Variants in EI24 observed in about 807,000 individuals in gnomAD.
EI24 encodes EI24 autophagy associated transmembrane protein, also known as etoposide-induced protein 2.4 homolog.
Under a neutral mutation model 48.6 loss-of-function variants are expected in EI24, and 21 were observed. That is an observed-to-expected ratio of 0.43 (90% CI 0.31 to 0.62). The LOEUF (loss-of-function observed/expected upper bound fraction) is 0.62. EI24 is among the 20% of genes least tolerant of loss of function. The pLI is 0.10. For missense variants in EI24, 280 were observed against 410.5 expected (o/e 0.68, Z 2.75); for synonymous variants, 114 against 145.5 (o/e 0.78, Z 1.56).
chr11:125,580,225 C>T (rs1159833907), intron 8 of EI24, 21 bp downstream of exon 8: 2 of 1,559,030 alleles, frequency 1.3e-6, no homozygotes, highest in Non-Finnish European at 1.8e-6. Flanking sequence ...CTAAAGAAAT[C>T]CAGAAAATGG....
At position 125,578,306 on chromosome 11, in the gene EI24, A is replaced by G. The variant is rs1938835663; in HGVS notation, c.441+49A>G. On this transcript the variant is annotated intron_variant, in intron 6 of 10. Transcript: ENST00000278903. ...CTGGGTCCCGCAGCATGATTGGCTGACAGGTGACAAGTTTCAGCCTGTGAA... is the reference window on the plus strand; with the variant it reads ...CTGGGTCCCGCAGCATGATTGGCTGGCAGGTGACAAGTTTCAGCCTGTGAA... The G allele has an allele frequency of 2.5e-6, 4 of 1,611,172 alleles. No homozygotes were observed. In the South Asian group the frequency reaches 3.3e-5, roughly 13 times the overall value.
chr11:125,575,915 G>A, intron 3 of EI24: 2 of 386,226 alleles, frequency 5.2e-6, no homozygotes, highest in South Asian at 1.9e-5. Context: ...CAGCGAACCG[G>A]CTGGCTGGAA....
intron 2 of EI24, 60 bp from the exon 3 acceptor site, chr11:125,575,203 G>C (rs1384162998): frequency 2.0e-5 from 29 of 1,439,926 alleles, no homozygotes; most frequent in Admixed American, 1.0e-4. Context: ...CTGTAGCTTG[G>C]GTGACAAAGC....
chr11:125,577,194 C>T (rs1938783830), intron 4 of EI24, among the ~76,000 whole-genome samples: 1 of 152,152 alleles, frequency 6.6e-6, no homozygotes, highest in East Asian at 1.9e-4. Context: ...CGGGTTCAAG[C>T]GATTCTCCTG....
At position 125,577,688 on chromosome 11, in the gene EI24, TTTG is replaced by T. The variant is rs1938806258; in HGVS notation, c.316+124_316+126del. On this transcript the variant is annotated intron_variant, in intron 5 of 10. Transcript: ENST00000278903. ...GGAGCTTTCACTGTTTATTTTCTTT[TTTG>T]TTGTTTTATTCTTTTTAAAAATTTA... 4 of 880,602 alleles carry T rather than the reference TTTG, an allele frequency of 4.5e-6. No individual in the cohort carries two copies. The South Asian group carries it at 5.6e-5, about 12-fold the overall frequency. The allele number at this position is 880,602 out of a possible 1,614,324, so 54.5% of individuals were successfully genotyped here.
chr11:125,579,919 C>A (rs541984570), intron 7 of EI24, among the ~76,000 whole-genome samples, 174 bp from the exon 8 acceptor site: 18 of 152,148 alleles, frequency 1.2e-4, no homozygotes, highest in Non-Finnish European at 2.5e-4. Flanking sequence ...CCGCCTCATC[C>A]TCCCAAACTG....
intron 1 of EI24, among the ~76,000 whole-genome samples, chr11:125,570,919 C>T (rs915953727): frequency 3.9e-5 from 6 of 152,144 alleles, no homozygotes; most frequent in Admixed American, 6.5e-5. Context: ...GCTGTACCTA[C>T]GCGACTGGAA....
At chr11:125,577,898 T>C (rs969372281) in intron 5 of EI24, 10 of 590,600 alleles carry the variant, frequency 1.7e-5, no homozygotes, top group South Asian at 4.3e-5. Context: ...GTTACCATCA[T>C]GTAAGCAGGT....
rs575196954 is a variant in EI24, at chr11:125,575,004, T to C, written c.43-259T>C. Among the ~76,000 whole-genome samples the C allele has an allele frequency of 4.6e-5, 7 of 152,134 alleles. No individual in the cohort carries two copies. In the East Asian group the frequency reaches 1.4e-3, roughly 29 times the overall value. Reference sequence around the variant, plus strand: ...CCTTTGGGAGGCTTAGGCAGGAGGATTGCTTGAGGACAGGAGTATGAAACC... The same window carrying C: ...CCTTTGGGAGGCTTAGGCAGGAGGACTGCTTGAGGACAGGAGTATGAAACC... On this transcript the variant is annotated intron_variant, in intron 2 of 10. Coordinates refer to ENST00000278903, the MANE Select transcript of EI24 (RefSeq NM_004879.5).
chr11:125,580,014 C>A, intron 7 of EI24, 79 bp from the exon 8 acceptor site: 1 of 1,135,672 alleles, frequency 8.8e-7, no homozygotes, highest in Non-Finnish European at 1.3e-6. Context: ...CTATCTCAGA[C>A]AGTGATTGGA....
intron 1 of EI24, among the ~76,000 whole-genome samples, chr11:125,570,639 A>G (rs1212481168): frequency 3.9e-5 from 6 of 152,224 alleles, no homozygotes; most frequent in Admixed American, 3.9e-4. Context: ...AATCCAGGCC[A>G]AGTAATGGGC....
chr11:125,571,709 T>C (rs1026557702), intron 1 of EI24, among the ~76,000 whole-genome samples: 8 of 151,956 alleles, frequency 5.3e-5, no homozygotes, highest in Admixed American at 2.6e-4. Context: ...AAACCCCATC[T>C]CTACTAAAAA....
At chr11:125,578,041 G>A (rs1407790492) in intron 5 of EI24, 92 bp from the exon 6 acceptor site, 2 of 1,472,960 alleles carry the variant, frequency 1.4e-6, no homozygotes, top group Non-Finnish European at 1.9e-6. Flanking sequence ...GATCCAGGAG[G>A]AGACAGAGAA....
chr11:125,580,306 A>G (rs1305637154), intron 8 of EI24, 102 bp downstream of exon 8: 14 of 877,256 alleles, frequency 1.6e-5, no homozygotes, highest in Middle Eastern at 2.3e-4. Context: ...TTGGCAAACA[A>G]TCCTTTGAGG....
At chr11:125,571,000 A>G (rs1328571813) in intron 1 of EI24, among the ~76,000 whole-genome samples, 1 of 152,214 alleles carries the variant, frequency 6.6e-6, no homozygotes, top group South Asian at 2.1e-4. Flanking sequence ...AGAGACTTCT[A>G]TCCGAAGTGA....
Position 125,575,340 on chromosome 11 carries a change from G to C in EI24, c.120G>C (p.Gln40His). Reference sequence around the variant, plus strand: ...GAATCCAGCAAAAGAGAGAGGAGCAGCGTCGAAGAAGGGCAAGTAGTGTCT... The same window carrying C: ...GAATCCAGCAAAAGAGAGAGGAGCACCGTCGAAGAAGGGCAAGTAGTGTCT... ...DARIQQKREE[Q>H]RRRRASSVLA... is the part of the protein sequence containing the mutation. Residue 40 changes from glutamine (Q) to histidine (H), a missense_variant, in exon 3 of 11, where the codon CAG (glutamine) becomes CAC (histidine). Transcript: ENST00000278903. The C allele has an allele frequency of 6.3e-7, 1 of 1,579,650 alleles. No individual in the cohort carries two copies. The highest frequency in any genetic ancestry group is 8.6e-7 in the Non-Finnish European group (1 of 1,162,904).
rs1017432096 is a variant in EI24 at position 125,578,970 on chromosome 11, G to A, written c.463G>A (p.Glu155Lys). 5 of 1,589,632 alleles carry A rather than the reference G, an allele frequency of 3.1e-6. No homozygotes were observed. Among genetic ancestry groups the A allele is most frequent in the Non-Finnish European group, 4.3e-6 (5 of 1,167,056 alleles). ...WFQDIADLAF[E>K]VSGRKPHPFP... ...ACAGGATATAGCTGACCTGGCATTT[G>A]AGGTATCAGGGAGGAAGCCTCACCC... The change falls in exon 7 of 11, where the codon GAG becomes AAG. Residue 155 changes from glutamate (E) to lysine (K), a missense_variant. Physicochemically the swap from Glu to Lys is moderately conservative, Grantham distance 56 (BLOSUM62 1). Transcript: ENST00000278903.
intron 4 of EI24, 53 bp downstream of exon 4, chr11:125,576,368 G>A: frequency 6.6e-7 from 1 of 1,525,586 alleles, no homozygotes; most frequent in East Asian, 2.3e-5. Flanking sequence ...TTGTTGCTGG[G>A]TTGATAGCTA....
Position 125,582,400 on chromosome 11 carries a change from A to C in EI24, c.840A>C (p.Ala280=). 6.2e-7 allele frequency: 1 copy of C among 1,604,726 alleles called. No individual in the cohort carries two copies. Among genetic ancestry groups the C allele is most frequent in the Non-Finnish European group, 8.5e-7 (1 of 1,175,514 alleles). ...TATTCATTATCAGCGCCAATGAAGC[A>C]AAGACCCCTGGCAAAGCATAGTAAG... is the stretch of plus-strand genomic sequence containing the variant. ...FPLFIISANE[A]KTPGKAYLFQ... is the part of the protein sequence containing the mutation. Residue 280 remains alanine (A), a synonymous_variant, in exon 10 of 11, where the codon GCA becomes GCC. Transcript: ENST00000278903.
Sources: allele counts gnomAD v4.1 joint callset (sites outside exome capture counted in the v4.1 genomes callset), GRCh38; gene constraint gnomAD v4.1.1; transcripts MANE v1.5; gene names NCBI Gene and HGNC (gene_info 2026-07-23, HGNC 2026-07-21).